Variants in PHACTR1 observed in about 807,000 individuals in gnomAD.
PHACTR1 encodes phosphatase and actin regulator 1.
PHACTR1 carries 16 observed loss-of-function variants against 69.2 expected under a neutral mutation model. The observed-to-expected ratio is 0.23, with a 90% CI of 0.16 to 0.35. The LOEUF (loss-of-function observed/expected upper bound fraction) is 0.35. Among genes scored for constraint, PHACTR1 ranks in the 10% least tolerant of loss-of-function variants. The pLI, the probability that PHACTR1 is intolerant of heterozygous loss-of-function variation, is 1.00. For synonymous variants in PHACTR1, 312 were observed against 284.5 expected, an observed-to-expected ratio of 1.10 and a Z score of -0.97; for missense variants, 510 against 734.7, an observed-to-expected ratio of 0.69 and a Z score of 3.54.
chr6:13,023,152 T>C (rs1561705104), intron 4 of PHACTR1, among the ~76,000 whole-genome samples: 1 of 152,218 alleles, frequency 6.6e-6, no homozygotes, highest in African/African-American at 2.4e-5. Flanking sequence ...TTCACCTGAA[T>C]TGCAGTGTTG....
chr6:13,216,775 A>G (rs891009712), intron 8 of PHACTR1, among the ~76,000 whole-genome samples: 2 of 152,230 alleles, frequency 1.3e-5, no homozygotes, highest in African/African-American at 4.8e-5. Context: ...ATGTGGTTTT[A>G]GTGCAAAGTA....
At chr6:12,985,535 A>T (rs1370265377) in intron 4 of PHACTR1, among the ~76,000 whole-genome samples, 27 of 136,136 alleles carry the variant, frequency 2.0e-4, no homozygotes, top group Admixed American at 5.1e-4. Flanking sequence ...AATTAAAAAA[A>T]AAAAAAATAT....
chr6:13,230,823 C>T (rs1314202917), intron 10 of PHACTR1, among the ~76,000 whole-genome samples: 1 of 152,048 alleles, frequency 6.6e-6, no homozygotes, highest in East Asian at 1.9e-4. Flanking sequence ...TTGAGGCCAG[C>T]CTGAGCAACA....
chr6:12,957,242 C>T (rs1361033709), intron 4 of PHACTR1: 3 of 530,816 alleles, frequency 5.7e-6, no homozygotes, highest in Non-Finnish European at 4.7e-6. Context: ...TGTTAAAAAG[C>T]TCAACAAATA....
intron 10 of PHACTR1, among the ~76,000 whole-genome samples, chr6:13,251,922 G>A (rs1774472933): frequency 6.6e-6 from 1 of 151,628 alleles, no homozygotes; most frequent in Non-Finnish European, 1.5e-5. Context: ...GGGCATGGTG[G>A]CACACACCTA....
intron 4 of PHACTR1, among the ~76,000 whole-genome samples, chr6:12,818,072 C>T (rs971203453): frequency 1.2e-4 from 18 of 152,188 alleles, no homozygotes; most frequent in Admixed American, 4.6e-4. Flanking sequence ...ATCCACCTGC[C>T]TTGGCCTCCC....
chr6:12,985,368 G>T (rs1287753446), intron 4 of PHACTR1, among the ~76,000 whole-genome samples: 1 of 151,920 alleles, frequency 6.6e-6, no homozygotes, highest in Non-Finnish European at 1.5e-5. Context: ...AAAATTGATT[G>T]AAGGTAGATG....
chr6:13,120,408 A>T (rs986063717), intron 5 of PHACTR1, among the ~76,000 whole-genome samples: 1 of 152,040 alleles, frequency 6.6e-6, no homozygotes, highest in Non-Finnish European at 1.5e-5. Context: ...TGGCATGGAG[A>T]GTTAATAGGA....
chr6:13,052,817 C>T (rs1292970841), intron 4 of PHACTR1, among the ~76,000 whole-genome samples: 1 of 152,008 alleles, frequency 6.6e-6, no homozygotes, highest in Non-Finnish European at 1.5e-5. Flanking sequence ...GATCAGTAAT[C>T]CTAAAGTACA....
rs1293853000 is a variant in PHACTR1, at chr6:12,853,773, GC to G, written c.250+103989del. 2.0e-5 allele frequency among the ~76,000 whole-genome samples: 3 copies of G among 152,240 alleles called. No individual in the cohort carries two copies. In the South Asian group the frequency reaches 6.2e-4, roughly 32 times the overall value. On this transcript the variant is annotated intron_variant, in intron 4 of 14. Coordinates refer to ENST00000332995, the MANE Select transcript of PHACTR1 (RefSeq NM_030948.6). ...TCATGAGAACAGGATGGGGGAAACT[GC>G]CCCCCTGATTCAGTTATCTCTACCT...
chr6:12,855,349 G>A (rs1189043215), intron 4 of PHACTR1, among the ~76,000 whole-genome samples: 1 of 152,166 alleles, frequency 6.6e-6, no homozygotes, highest in Non-Finnish European at 1.5e-5. Context: ...CTTTTCAGGA[G>A]GCTGAGGCCA....
chr6:13,054,224 A>T (rs1026187704), intron 5 of PHACTR1, among the ~76,000 whole-genome samples: 7 of 152,226 alleles, frequency 4.6e-5, no homozygotes, highest in Admixed American at 3.9e-4. Context: ...AAGTAAGAAT[A>T]ATACCTTACA....
chr6:13,155,990 A>G (rs1433766202), intron 5 of PHACTR1, among the ~76,000 whole-genome samples: 2 of 152,158 alleles, frequency 1.3e-5, no homozygotes, highest in Non-Finnish European at 2.9e-5. Context: ...AAGTAAACTC[A>G]AATCAGATTG....
intron 4 of PHACTR1, among the ~76,000 whole-genome samples, chr6:12,830,472 G>A (rs1777415737): frequency 6.6e-6 from 1 of 152,010 alleles, no homozygotes; most frequent in African/African-American, 2.4e-5. Flanking sequence ...ATGACTAGAA[G>A]GAGAGAGGGG....
chr6:13,029,245 A>C (rs1025822216), intron 4 of PHACTR1, among the ~76,000 whole-genome samples: 3 of 152,220 alleles, frequency 2.0e-5, no homozygotes, highest in African/African-American at 7.2e-5. Context: ...ATCAGGTAAG[A>C]TTAAAGAATG....
chr6:12,837,593 G>T (rs777620181), intron 4 of PHACTR1, among the ~76,000 whole-genome samples: 1 of 151,470 alleles, frequency 6.6e-6, no homozygotes, highest in Non-Finnish European at 1.5e-5. Flanking sequence ...ACTTAACACA[G>T]TTTACCTAAA....
intron 8 of PHACTR1, among the ~76,000 whole-genome samples, chr6:13,206,659 G>A (rs995201813): frequency 1.3e-5 from 2 of 152,184 alleles, no homozygotes; most frequent in East Asian, 3.8e-4. Flanking sequence ...AATTATTCCA[G>A]TTCCGGGTGG....
intron 4 of PHACTR1, among the ~76,000 whole-genome samples, chr6:13,027,880 T>C (rs1441924472): frequency 6.6e-6 from 1 of 152,220 alleles, no homozygotes; most frequent in African/African-American, 2.4e-5. Context: ...TTTCACCATG[T>C]TGGCCAGGCT....
chr6:13,278,157 T>C, intron 11 of PHACTR1, 111 bp from the exon 12 acceptor site: 1 of 1,017,458 alleles, frequency 9.8e-7, no homozygotes, highest in South Asian at 1.6e-5. Flanking sequence ...AGTACTCTCT[T>C]CCCTTTATTA....
Sources: allele counts gnomAD v4.1 joint callset (sites outside exome capture counted in the v4.1 genomes callset), GRCh38; gene constraint gnomAD v4.1.1; transcripts MANE v1.5; gene names NCBI Gene and HGNC (gene_info 2026-07-23, HGNC 2026-07-21).